The following KLF8 variants were observed in gnomAD, a reference collection of about 807,000 sequenced individuals.
The protein encoded by KLF8 is Krueppel-like factor 8.
Under a neutral mutation model 18.2 loss-of-function variants are expected in KLF8, and 10 were observed. The observed-to-expected ratio is 0.55, with a 90% CI of 0.34 to 0.93. KLF8 has a LOEUF of 0.93. Among genes scored for constraint, KLF8 ranks in the 40% least tolerant of loss-of-function variants. KLF8 has a pLI of 0.02. For missense variants in KLF8, 264 were observed against 277.9 expected (o/e 0.95, Z 0.36); for synonymous variants, 109 against 97.3 (o/e 1.12, Z -0.71).
intron 2 of KLF8, among the ~76,000 whole-genome samples, chrX:56,260,340 A>G (rs1340278099): frequency 1.8e-5 from 2 of 112,108 alleles, no homozygotes; most frequent in Non-Finnish European, 3.8e-5. Flanking sequence ...TCCAATGTAC[A>G]GTACAATAGA....
At chrX:56,124,938 C>T in the KLF8 span, among the ~76,000 whole-genome samples, 3 of 111,853 alleles carry the variant, frequency 2.7e-5, no homozygotes, top group Admixed American at 2.8e-4. Context: ...TCTTCAGAAG[C>T]CTCTTTCTAC....
At chrX:56,019,555 C>T in the KLF8 span, among the ~76,000 whole-genome samples, 1 of 112,426 alleles carries the variant, frequency 8.9e-6, no homozygotes. Context: ...ACTTTAACAT[C>T]TCTGTGGCAG....
chrX:55,925,505 C>T, the KLF8 span, among the ~76,000 whole-genome samples: 1 of 111,312 alleles, frequency 9.0e-6, no homozygotes, highest in East Asian at 2.8e-4. Flanking sequence ...GGCACCATGC[C>T]AAGCACTAGG....
At chrX:56,221,629 C>T in the KLF8 span, among the ~76,000 whole-genome samples, 11 of 111,027 alleles carry the variant, frequency 9.9e-5, no homozygotes, top group South Asian at 4.0e-3. Flanking sequence ...TGTAGACCTT[C>T]GCAGTGAGTG....
chrX:56,207,536 G>A, the KLF8 span, among the ~76,000 whole-genome samples: 9 of 111,454 alleles, frequency 8.1e-5, no homozygotes, highest in African/African-American at 2.9e-4. Flanking sequence ...TCTAGGACAG[G>A]GGGAAAATGC....
the KLF8 span, among the ~76,000 whole-genome samples, chrX:56,185,296 A>G: frequency 8.9e-6 from 1 of 111,978 alleles, no homozygotes; most frequent in Non-Finnish European, 1.9e-5. Flanking sequence ...GAAATGAATG[A>G]AATGAAGTGA....
chrX:56,077,100 A>G, the KLF8 span, among the ~76,000 whole-genome samples: 3 of 111,011 alleles, frequency 2.7e-5, no homozygotes, highest in Non-Finnish European at 5.7e-5. Context: ...TTGCCTGTTC[A>G]CTCTGATGGA....
the KLF8 span, among the ~76,000 whole-genome samples, chrX:56,017,616 T>C: frequency 8.9e-6 from 1 of 111,970 alleles, no homozygotes; most frequent in Admixed American, 9.5e-5. Context: ...TGGTAGTGTA[T>C]GTTTGCTAGT....
At chrX:56,221,155 T>C in the KLF8 span, among the ~76,000 whole-genome samples, 1 of 111,743 alleles carries the variant, frequency 8.9e-6, no homozygotes, top group Non-Finnish European at 1.9e-5. Flanking sequence ...TGGGAAAAAA[T>C]AATACTGGCT....
At chrX:56,247,975 G>T (rs751520669) in intron 1 of KLF8, among the ~76,000 whole-genome samples, 2 of 111,583 alleles carry the variant, frequency 1.8e-5, no homozygotes, top group Non-Finnish European at 3.8e-5. Flanking sequence ...CAGCACAGTC[G>T]ATTTGTTTAC....
intron 5 of KLF8, among the ~76,000 whole-genome samples, chrX:56,274,502 G>GA (rs1432644148): frequency 9.0e-6 from 1 of 111,626 alleles, no homozygotes; most frequent in African/African-American, 3.3e-5. Context: ...CTGTGCAGAA[G>GA]ATTTTTTTAA....
the KLF8 span, among the ~76,000 whole-genome samples, chrX:56,179,636 A>T: frequency 8.9e-6 from 1 of 111,871 alleles, no homozygotes; most frequent in Non-Finnish European, 1.9e-5. Flanking sequence ...TTTGTCCTAA[A>T]TAGCTCTTAT....
chrX:55,957,926 T>G, the KLF8 span, among the ~76,000 whole-genome samples: 1 of 112,352 alleles, frequency 8.9e-6, no homozygotes, highest in African/African-American at 3.2e-5. Context: ...ATTACTATTC[T>G]CATTTAACAG....
At chrX:56,134,130 G>A in the KLF8 span, among the ~76,000 whole-genome samples, 81 of 110,925 alleles carry the variant, frequency 7.3e-4, 1 homozygote, top group Non-Finnish European at 1.3e-3. Context: ...CATAAAAAAT[G>A]CCACCACTAT....
At chrX:56,204,499 G>A in the KLF8 span, among the ~76,000 whole-genome samples, 1 of 111,365 alleles carries the variant, frequency 9.0e-6, no homozygotes, top group Admixed American at 9.6e-5. Flanking sequence ...GTTGTGTTAC[G>A]GATCTTCAAG....
chrX:56,072,987 ATTT>A, the KLF8 span, among the ~76,000 whole-genome samples: 4 of 83,903 alleles, frequency 4.8e-5, no homozygotes, highest in Admixed American at 1.3e-4. Flanking sequence ...TTCGCTTAGC[ATTT>A]TTTTTTTTTT....
Position 56,232,933 on chromosome X carries a change from A to G in KLF8, c.-402A>G. ...CCGGAACTGAATTGGTAGAGGTAAA[A>G]GGGGAACGGAGGACCTTAAGCTCTG... On this transcript the variant is annotated 5_prime_UTR_variant, in exon 1 of 6. Transcript: ENST00000468660. 1 of 180,702 alleles carries G rather than the reference A, an allele frequency of 5.5e-6. No individual in the cohort carries two copies. Among genetic ancestry groups the G allele is most frequent in the East Asian group, 1.1e-4 (1 of 8,972 alleles). The allele number at this position is 180,702 out of a possible 1,213,427, so 14.9% of individuals were successfully genotyped here.
chrX:56,187,326 G>A, the KLF8 span, among the ~76,000 whole-genome samples: 1 of 111,765 alleles, frequency 8.9e-6, no homozygotes, highest in African/African-American at 3.2e-5. Context: ...AAACCAGGAA[G>A]AAGTTGAATC....
the KLF8 span, among the ~76,000 whole-genome samples, chrX:56,107,998 C>A: frequency 2.7e-5 from 3 of 111,797 alleles, no homozygotes; most frequent in South Asian, 7.5e-4. Context: ...TTAAAAAAAT[C>A]TTTTCAGTTG....
Sources: allele counts gnomAD v4.1 joint callset (sites outside exome capture counted in the v4.1 genomes callset), GRCh38; gene constraint gnomAD v4.1.1; transcripts MANE v1.5; gene names NCBI Gene and HGNC (gene_info 2026-07-23, HGNC 2026-07-21).